CSTPP1: variants seen among roughly 807,000 people sequenced by gnomAD.
The protein encoded by CSTPP1 is UPF0705 protein C11orf49.
At chr11:46,936,810 T>A in the CSTPP1 span, 1 of 1,610,492 alleles carries the variant, frequency 6.2e-7, no homozygotes, top group Non-Finnish European at 8.5e-7. Flanking sequence ...CAAAGGATGC[T>A]GAGTCCGGAG....
At chr11:47,139,786 C>T in the CSTPP1 span, among the ~76,000 whole-genome samples, 5 of 152,062 alleles carry the variant, frequency 3.3e-5, no homozygotes, top group African/African-American at 7.2e-5. Flanking sequence ...CAATGTTGTG[C>T]GAATATACTG....
chr11:47,026,466 C>T, the CSTPP1 span, among the ~76,000 whole-genome samples: 3 of 152,038 alleles, frequency 2.0e-5, no homozygotes, highest in Admixed American at 1.3e-4. Context: ...CATAACATTA[C>T]ACAATATTTG....
At chr11:47,159,514 GA>G in the CSTPP1 span, 105 of 344,224 alleles carry the variant, frequency 3.1e-4, no homozygotes, top group Admixed American at 4.2e-4. Flanking sequence ...TCTCAAAAAA[GA>G]AAAAAAAAAC....
the CSTPP1 span, chr11:47,156,871 G>C: frequency 4.7e-4 from 337 of 716,062 alleles, no homozygotes; most frequent in Non-Finnish European, 3.8e-4. Flanking sequence ...GTCAAACAAG[G>C]TTGAGAACTT....
At chr11:47,144,979 C>CTTT in the CSTPP1 span, among the ~76,000 whole-genome samples, 13 of 77,180 alleles carry the variant, frequency 1.7e-4, no homozygotes, top group African/African-American at 2.4e-4. Context: ...TATTGCCTGC[C>CTTT]ATTTTTTTTT....
chr11:46,960,762 G>T, the CSTPP1 span, among the ~76,000 whole-genome samples: 422 of 152,210 alleles, frequency 2.8e-3, 3 homozygotes, highest in African/African-American at 9.4e-3. Flanking sequence ...TGAGGCAGGA[G>T]AACTGCTTGA....
chr11:47,102,068 G>T, the CSTPP1 span, among the ~76,000 whole-genome samples: 124 of 152,198 alleles, frequency 8.1e-4, 1 homozygote, highest in African/African-American at 2.9e-3. Flanking sequence ...TCTTGCAAGG[G>T]AATATATTGT....
chr11:47,077,301 G>A, the CSTPP1 span, among the ~76,000 whole-genome samples: 1 of 150,864 alleles, frequency 6.6e-6, no homozygotes, highest in Non-Finnish European at 1.5e-5. Context: ...CTGGGTTCAA[G>A]CGATTCTCCT....
At chr11:46,961,848 A>G in the CSTPP1 span, among the ~76,000 whole-genome samples, 1 of 152,162 alleles carries the variant, frequency 6.6e-6, no homozygotes, top group South Asian at 2.1e-4. Flanking sequence ...TTGGCACTGT[A>G]TTAGTCCATT....
chr11:47,050,949 G>C, the CSTPP1 span, among the ~76,000 whole-genome samples: 3 of 152,146 alleles, frequency 2.0e-5, no homozygotes, highest in African/African-American at 7.2e-5. Context: ...TTTTCATACA[G>C]TGCTGTTACT....
At chr11:46,995,793 C>T in the CSTPP1 span, among the ~76,000 whole-genome samples, 1 of 152,106 alleles carries the variant, frequency 6.6e-6, no homozygotes, top group Non-Finnish European at 1.5e-5. Flanking sequence ...TCTACTAGGT[C>T]TGCTTGGTGC....
At chr11:47,136,318 T>C in the CSTPP1 span, among the ~76,000 whole-genome samples, 1 of 152,040 alleles carries the variant, frequency 6.6e-6, no homozygotes, top group African/African-American at 2.4e-5. Context: ...AGACCACGAG[T>C]GGCAATGACT....
the CSTPP1 span, among the ~76,000 whole-genome samples, chr11:46,962,068 G>T: frequency 1.2e-4 from 18 of 152,244 alleles, no homozygotes; most frequent in Non-Finnish European, 4.4e-5. Context: ...CAGATCTTGT[G>T]AGAAGTCTCT....
At chr11:47,140,939 A>G in the CSTPP1 span, among the ~76,000 whole-genome samples, 9 of 152,010 alleles carry the variant, frequency 5.9e-5, no homozygotes, top group African/African-American at 1.9e-4. Flanking sequence ...TCTCTACTAA[A>G]AATACAAAAA....
the CSTPP1 span, among the ~76,000 whole-genome samples, chr11:47,080,448 C>A: frequency 1.3e-5 from 2 of 152,112 alleles, no homozygotes; most frequent in African/African-American, 4.8e-5. Context: ...GAGTGAAACT[C>A]CGTCTCAAAA....
chr11:47,112,362 C>G, the CSTPP1 span, among the ~76,000 whole-genome samples: 258 of 152,196 alleles, frequency 1.7e-3, 2 homozygotes, highest in African/African-American at 6.1e-3. Flanking sequence ...TGATCTGTCA[C>G]CCAGGCTGGA....
At chr11:47,138,998 A>C in the CSTPP1 span, among the ~76,000 whole-genome samples, 1 of 150,038 alleles carries the variant, frequency 6.7e-6, no homozygotes, top group African/African-American at 2.5e-5. Context: ...AAAAAAAAAA[A>C]AAAAAAAAAA....
At chr11:47,131,020 T>A in the CSTPP1 span, among the ~76,000 whole-genome samples, 1 of 152,170 alleles carries the variant, frequency 6.6e-6, no homozygotes, top group Non-Finnish European at 1.5e-5. Flanking sequence ...AGCATTTCAT[T>A]ATCTTTAGCT....
the CSTPP1 span, among the ~76,000 whole-genome samples, chr11:47,077,358 C>T: frequency 6.6e-6 from 1 of 152,000 alleles, no homozygotes; most frequent in Non-Finnish European, 1.5e-5. Context: ...CGCCACCACA[C>T]CCAGCTAATT....
Sources: allele counts gnomAD v4.1 joint callset (sites outside exome capture counted in the v4.1 genomes callset), GRCh38; gene constraint gnomAD v4.1.1; transcripts MANE v1.5; gene names NCBI Gene and HGNC (gene_info 2026-07-23, HGNC 2026-07-21).